CORO2B: variants seen among roughly 807,000 people sequenced by gnomAD.
CORO2B encodes the protein coronin 2B.
In CORO2B, 26 loss-of-function variants were observed where a neutral mutation model predicts 58.8. The observed-to-expected ratio is 0.44, with a 90% CI of 0.32 to 0.61. The LOEUF (loss-of-function observed/expected upper bound fraction) is 0.61, where lower values mean the gene tolerates loss of function less well. Ranked by LOEUF, CORO2B falls within the 20% of genes least tolerant of loss-of-function variation. The pLI is 0.04. For missense variants in CORO2B, 460 were observed against 645.1 expected (o/e 0.71, Z 3.11); for synonymous variants, 242 against 253.8 (o/e 0.95, Z 0.44).
chr15:68,716,481 G>A (rs1026851955), intron 8 of CORO2B, among the ~76,000 whole-genome samples: 3 of 152,214 alleles, frequency 2.0e-5, no homozygotes, highest in African/African-American at 7.2e-5. Flanking sequence ...GCGAAGTCCA[G>A]TGGCAAATAA....
chr15:68,713,070 G>C (rs1043817704), intron 5 of CORO2B, among the ~76,000 whole-genome samples: 1 of 152,116 alleles, frequency 6.6e-6, no homozygotes. Flanking sequence ...TGATGCCGAG[G>C]ACTGTTGTGT....
At chr15:68,522,876 T>A in the CORO2B span, among the ~76,000 whole-genome samples, 7 of 152,222 alleles carry the variant, frequency 4.6e-5, no homozygotes, top group African/African-American at 1.7e-4. Flanking sequence ...CTTGGTCTTG[T>A]AACTTGGAAT....
chr15:68,629,443 C>T (rs558943619), intron 1 of CORO2B, among the ~76,000 whole-genome samples: 8 of 152,138 alleles, frequency 5.3e-5, no homozygotes, highest in Admixed American at 2.0e-4. Context: ...GTGGTCCTGA[C>T]GCAGTGGAAG....
chr15:68,657,892 C>T (rs1901867937), intron 2 of CORO2B, among the ~76,000 whole-genome samples: 1 of 152,176 alleles, frequency 6.6e-6, no homozygotes, highest in African/African-American at 2.4e-5. Context: ...GATTAAAGAC[C>T]TTGGAAATAA....
chr15:68,563,480 C>A, the CORO2B span, among the ~76,000 whole-genome samples: 2 of 109,270 alleles, frequency 1.8e-5, no homozygotes, highest in Non-Finnish European at 1.9e-5. Flanking sequence ...GAGTGAAATT[C>A]TGTCTTTAAA....
the CORO2B span, among the ~76,000 whole-genome samples, chr15:68,555,829 C>A: frequency 6.6e-6 from 1 of 152,186 alleles, no homozygotes; most frequent in Admixed American, 6.5e-5. Context: ...GGGGGACAGG[C>A]ACAGGGGTCC....
chr15:68,668,483 G>T (rs1273997273), intron 2 of CORO2B, among the ~76,000 whole-genome samples: 1 of 152,248 alleles, frequency 6.6e-6, no homozygotes, highest in Admixed American at 6.5e-5. Context: ...TGATGGATAT[G>T]TTAGGTAAGA....
At chr15:68,550,535 G>T in the CORO2B span, among the ~76,000 whole-genome samples, 3 of 152,190 alleles carry the variant, frequency 2.0e-5, no homozygotes, top group Non-Finnish European at 2.9e-5. Flanking sequence ...TCTTATGGTC[G>T]ATTGTAAAGA....
intron 1 of CORO2B, among the ~76,000 whole-genome samples, chr15:68,614,843 G>A (rs147150360): frequency 1.4e-3 from 212 of 152,324 alleles, no homozygotes; most frequent in African/African-American, 4.6e-3. Context: ...TCTTAGTGAC[G>A]GGCCTGTTGT....
the CORO2B span, among the ~76,000 whole-genome samples, chr15:68,550,303 C>T: frequency 6.6e-6 from 1 of 152,248 alleles, no homozygotes; most frequent in East Asian, 1.9e-4. Flanking sequence ...AGTCTGTTTC[C>T]CACCTTTGTC....
intron 1 of CORO2B, among the ~76,000 whole-genome samples, chr15:68,636,954 G>A (rs185485280): frequency 6.6e-6 from 1 of 152,192 alleles, no homozygotes; most frequent in Non-Finnish European, 1.5e-5. Flanking sequence ...GTCTAACTGA[G>A]GAGGAGTTTT....
At chr15:68,568,703 G>T in the CORO2B span, among the ~76,000 whole-genome samples, 1 of 152,090 alleles carries the variant, frequency 6.6e-6, no homozygotes, top group Non-Finnish European at 1.5e-5. Flanking sequence ...TTTTTTAATA[G>T]ATTTTATTTT....
upstream of CORO2B, among the ~76,000 whole-genome samples, chr15:68,576,152 C>CAAAAAAAAAAAAAAA (rs3985627): frequency 2.6e-4 from 16 of 62,176 alleles, no homozygotes; most frequent in Non-Finnish European, 3.5e-4. Flanking sequence ...GACTACGTCG[C>CAAAAAAAAAAAAAAA]AAAAAAAAAA....
At position 68,723,265 on chromosome 15, in the gene CORO2B, G is replaced by A. The variant is rs1489671582; in HGVS notation, c.1312-2578G>A. Among the ~76,000 whole-genome samples the A allele has an allele frequency of 2.0e-5, 3 of 147,508 alleles. No individual in the cohort carries two copies. In the East Asian group the frequency reaches 6.4e-4, roughly 32 times the overall value. ...GCCTCCCAAGTAGCTGGGACTACAG[G>A]TACCCACCACCATGCCTGGTTAATT... On this transcript the variant is annotated intron_variant, in intron 11 of 11. Transcript: ENST00000261861.
At chr15:68,616,850 T>C (rs1900373243) in intron 1 of CORO2B, among the ~76,000 whole-genome samples, 1 of 152,222 alleles carries the variant, frequency 6.6e-6, no homozygotes, top group Non-Finnish European at 1.5e-5. Context: ...TAATTCCAAC[T>C]GCATGGATCT....
intron 8 of CORO2B, among the ~76,000 whole-genome samples, chr15:68,717,060 T>G (rs1893048120): frequency 6.6e-6 from 1 of 152,006 alleles, no homozygotes; most frequent in African/African-American, 2.4e-5. Flanking sequence ...TCCTAGCAGT[T>G]TGGGAGGCCG....
intron 5 of CORO2B, among the ~76,000 whole-genome samples, chr15:68,712,698 C>T (rs990522331): frequency 3.9e-5 from 6 of 152,062 alleles, no homozygotes; most frequent in African/African-American, 1.2e-4. Context: ...TGCACTGTGC[C>T]CGGGGCTCTG....
chr15:68,557,085 A>G, the CORO2B span, among the ~76,000 whole-genome samples: 2 of 152,186 alleles, frequency 1.3e-5, no homozygotes, highest in Non-Finnish European at 2.9e-5. Context: ...TTGGCCATAA[A>G]TGTCCCCTCG....
At chr15:68,632,191 A>G (rs1566990249) in intron 1 of CORO2B, 1 of 985,358 alleles carries the variant, frequency 1.0e-6, no homozygotes, top group Non-Finnish European at 1.2e-6. Flanking sequence ...ATGTGGCATA[A>G]CTCCTTGGGC....
Sources: gnomAD v4.1 joint callset for allele counts (sites outside exome capture counted in the v4.1 genomes callset) on GRCh38, gnomAD v4.1.1 for gene constraint, MANE v1.5 for transcripts, NCBI Gene and HGNC (gene_info 2026-07-23, HGNC 2026-07-21) for gene names.